The following RALYL variants were observed in gnomAD, a reference collection of about 807,000 sequenced individuals.
The protein encoded by RALYL is RALY RNA binding protein like.
RALYL carries 29 observed loss-of-function variants against 35.1 expected under a neutral mutation model. The observed-to-expected ratio is 0.83, with a 90% CI of 0.61 to 1.13. The LOEUF is 1.13. Ranked by LOEUF, RALYL falls within the 50% of genes most tolerant of loss-of-function variation. The pLI is 0.00. For synonymous variants in RALYL, 120 were observed against 127.6 expected, an observed-to-expected ratio of 0.94 and a Z score of 0.40; for missense variants, 359 against 360.4, an observed-to-expected ratio of 1.00 and a Z score of 0.03.
chr8:84,546,761 G>C (rs2060383849), intron 2 of RALYL, among the ~76,000 whole-genome samples: 1 of 152,106 alleles, frequency 6.6e-6, no homozygotes, highest in Non-Finnish European at 1.5e-5. Context: ...AATTTGATAG[G>C]ATTCCCCTGG....
intron 6 of RALYL, among the ~76,000 whole-genome samples, chr8:84,869,627 G>A (rs1839824994): frequency 6.6e-6 from 1 of 152,068 alleles, no homozygotes; most frequent in African/African-American, 2.4e-5. Flanking sequence ...CTCACTAGAA[G>A]CCAGTAGGAC....
At chr8:84,719,639 G>A (rs1330990657) in intron 2 of RALYL, among the ~76,000 whole-genome samples, 1 of 151,926 alleles carries the variant, frequency 6.6e-6, no homozygotes, top group African/African-American at 2.4e-5. Context: ...GTTAATTCAT[G>A]GCTTATTTTA....
In RALYL at chr8:84,279,967, T is replaced by C. The variant is rs189069830; in HGVS notation, c.-24+95543T>C. Among the ~76,000 whole-genome samples the C allele has an allele frequency of 3.4e-3, 522 of 152,022 alleles. 3 individuals are homozygous for C. The highest frequency in any genetic ancestry group is 0.012 in the African/African-American group (507 of 41,446). Reference sequence around the variant, plus strand: ...ATGTGGATATCTTAGTTGGGCAGAGTTTTTCAGCCTACTGAGTGAATATAG... The same window carrying C: ...ATGTGGATATCTTAGTTGGGCAGAGCTTTTCAGCCTACTGAGTGAATATAG... On this transcript the variant is annotated intron_variant, in intron 1 of 8. Coordinates refer to ENST00000521268, the MANE Select transcript of RALYL (RefSeq NM_173848.7).
intron 1 of RALYL, among the ~76,000 whole-genome samples, chr8:84,233,438 C>A (rs956898169): frequency 2.0e-5 from 3 of 152,148 alleles, no homozygotes; most frequent in African/African-American, 7.2e-5. Context: ...TGTGAGGGAG[C>A]TAGACTAACT....
chr8:84,648,096 T>G (rs185821153), intron 2 of RALYL, among the ~76,000 whole-genome samples: 1 of 152,162 alleles, frequency 6.6e-6, no homozygotes, highest in Admixed American at 6.5e-5. Flanking sequence ...GTGTAAATGC[T>G]TGAGCATGTG....
intron 1 of RALYL, among the ~76,000 whole-genome samples, chr8:84,342,297 A>ATATATATATATATATATAT (rs1554626217): frequency 1.8e-5 from 1 of 54,780 alleles, no homozygotes; most frequent in African/African-American, 1.4e-4. Flanking sequence ...TATATATATA[A>ATATATATATATATATATAT]AACTCAAAAA....
chr8:84,621,761 G>T (rs1821550816), intron 2 of RALYL, among the ~76,000 whole-genome samples: 1 of 152,192 alleles, frequency 6.6e-6, no homozygotes, highest in Admixed American at 6.5e-5. Flanking sequence ...TTTAAAGAGA[G>T]AATAGATTGT....
intron 1 of RALYL, among the ~76,000 whole-genome samples, chr8:84,438,961 G>A (rs1010111896): frequency 6.6e-6 from 1 of 150,908 alleles, no homozygotes; most frequent in East Asian, 2.0e-4. Context: ...TTTTTTATCA[G>A]TACCAACGTA....
At chr8:84,556,118 A>C (rs1204118316) in intron 2 of RALYL, among the ~76,000 whole-genome samples, 1 of 152,230 alleles carries the variant, frequency 6.6e-6, no homozygotes, top group Non-Finnish European at 1.5e-5. Context: ...AAGGTCACTT[A>C]ATGTGATTAA....
intron 2 of RALYL, among the ~76,000 whole-genome samples, chr8:84,607,031 C>G (rs917758715): frequency 6.6e-6 from 1 of 151,802 alleles, no homozygotes; most frequent in Non-Finnish European, 1.5e-5. Flanking sequence ...GATGATAAAT[C>G]TAAAGTGCCA....
chr8:84,412,368 A>G (rs891821771), intron 1 of RALYL, among the ~76,000 whole-genome samples: 2 of 151,936 alleles, frequency 1.3e-5, no homozygotes, highest in African/African-American at 2.4e-5. Flanking sequence ...TTTTCTGACT[A>G]TGATAAAAGC....
chr8:84,722,883 A>G (rs1844255022), intron 2 of RALYL, among the ~76,000 whole-genome samples: 1 of 151,316 alleles, frequency 6.6e-6, no homozygotes, highest in Admixed American at 6.6e-5. Flanking sequence ...TTTAATTTAT[A>G]AAGGCAGTAA....
intron 2 of RALYL, among the ~76,000 whole-genome samples, chr8:84,727,954 A>T (rs1377506918): frequency 3.3e-5 from 5 of 152,006 alleles, no homozygotes; most frequent in African/African-American, 4.8e-5. Context: ...GTGTCTTTAT[A>T]GCAGCATGAT....
chr8:84,388,860 G>A (rs915710799), intron 1 of RALYL, among the ~76,000 whole-genome samples: 3 of 152,058 alleles, frequency 2.0e-5, no homozygotes, highest in Non-Finnish European at 4.4e-5. Flanking sequence ...GATCCCATTT[G>A]TCAATTTTGG....
chr8:84,811,671 T>A (rs1439542655), intron 4 of RALYL, among the ~76,000 whole-genome samples: 4 of 152,226 alleles, frequency 2.6e-5, no homozygotes, highest in Non-Finnish European at 5.9e-5. Context: ...GTTTGGTCAT[T>A]TAATATAACC....
chr8:84,326,509 T>C (rs989442889), intron 1 of RALYL, among the ~76,000 whole-genome samples: 2 of 152,208 alleles, frequency 1.3e-5, no homozygotes, highest in Admixed American at 1.3e-4. Flanking sequence ...TGAAATATTA[T>C]TCGCTTAGTT....
At chr8:84,241,224 A>G (rs1263622003) in intron 1 of RALYL, among the ~76,000 whole-genome samples, 5 of 152,090 alleles carry the variant, frequency 3.3e-5, no homozygotes, top group African/African-American at 1.2e-4. Flanking sequence ...GGTGAGGTGT[A>G]TTGTCAGTAT....
intron 1 of RALYL, among the ~76,000 whole-genome samples, chr8:84,323,922 G>T (rs2130490582): frequency 6.6e-6 from 1 of 152,084 alleles, no homozygotes; most frequent in African/African-American, 2.4e-5. Flanking sequence ...AAAATATATT[G>T]GAACGTCACT....
At chr8:84,740,913 A>G (rs1324123665) in intron 2 of RALYL, among the ~76,000 whole-genome samples, 1 of 152,048 alleles carries the variant, frequency 6.6e-6, no homozygotes, top group Non-Finnish European at 1.5e-5. Context: ...GTACCAGGTG[A>G]CATCTATTTG....
Sources: gnomAD v4.1 joint callset for allele counts (sites outside exome capture counted in the v4.1 genomes callset) on GRCh38, gnomAD v4.1.1 for gene constraint, MANE v1.5 for transcripts, NCBI Gene and HGNC (gene_info 2026-07-23, HGNC 2026-07-21) for gene names.